Variants in SLC22A25 observed in about 807,000 individuals in gnomAD.
SLC22A25 encodes the protein MGI:2442751, MGI:2385316, MGI:3042283, MGI:3645714, MGI:3605624, MGI:2442750.
Under a neutral mutation model 45.9 loss-of-function variants are expected in SLC22A25, and 44 were observed. That is an observed-to-expected ratio of 0.96 (90% confidence interval 0.75 to 1.23). The LOEUF (loss-of-function observed/expected upper bound fraction) is 1.23. Among genes scored for constraint, SLC22A25 ranks in the 50% most tolerant of loss-of-function variants. The pLI is 0.00. For synonymous variants in SLC22A25, 283 were observed against 238.6 expected (o/e 1.19, Z -1.72); for missense variants, 800 against 666.4 (o/e 1.20, Z -2.21).
At chr11:63,189,163 T>G (rs1253126851) in intron 7 of SLC22A25, among the ~76,000 whole-genome samples, 1 of 152,214 alleles carries the variant, frequency 6.6e-6, no homozygotes, top group Non-Finnish European at 1.5e-5. Flanking sequence ...TCTCCCATTA[T>G]TATTGTGTGG....
intron 5 of SLC22A25, chr11:63,218,005 G>A (rs1358790147): frequency 1.7e-6 from 1 of 600,692 alleles, no homozygotes; most frequent in East Asian, 3.5e-5. Flanking sequence ...GACAGGCTGG[G>A]ATGTTGAAAT....
intron 5 of SLC22A25, among the ~76,000 whole-genome samples, chr11:63,224,063 C>G (rs1050708108): frequency 6.6e-6 from 1 of 152,050 alleles, no homozygotes; most frequent in South Asian, 2.1e-4. Flanking sequence ...GTGTTGAAAT[C>G]TCCAGCTATT....
chr11:63,237,549 C>T (rs908885597), intron 3 of SLC22A25, among the ~76,000 whole-genome samples: 2 of 152,098 alleles, frequency 1.3e-5, no homozygotes, highest in African/African-American at 4.8e-5. Flanking sequence ...AAACATGAAC[C>T]AAATAAACTT....
In SLC22A25 at chr11:63,180,772, A is replaced by C; in HGVS notation, c.958T>G (p.Leu320Val). Residue 320 changes from leucine (L) to valine (V), a missense_variant, in exon 9 of 12, where the codon TTG becomes GTG. Coordinates refer to ENST00000306494, the MANE Select transcript of SLC22A25 (RefSeq NM_199352.6). ...AGTTCTTGCTTCATGGTGGATTTCA[A>C]AACCTTCAACAACAACAGAAGCAAT... Reference protein sequence around the residue: ...NAEDILTMEVLKSTMKQELEA... With the variant: ...NAEDILTMEVVKSTMKQELEA... The C allele has an allele frequency of 6.2e-7, 1 of 1,611,460 alleles. No homozygotes were observed. The highest frequency in any genetic ancestry group is 8.5e-7 in the Non-Finnish European group (1 of 1,178,418).
At chr11:63,191,781 A>C (rs1267716379) in intron 7 of SLC22A25, among the ~76,000 whole-genome samples, 1 of 152,242 alleles carries the variant, frequency 6.6e-6, no homozygotes, top group Non-Finnish European at 1.5e-5. Flanking sequence ...TAAGACAGTC[A>C]GACAAGAATA....
chr11:63,197,993 A>G (rs1248330699), intron 7 of SLC22A25, among the ~76,000 whole-genome samples: 1 of 152,244 alleles, frequency 6.6e-6, no homozygotes, highest in Non-Finnish European at 1.5e-5. Flanking sequence ...ATCACTGGCC[A>G]TCAGAGAAAT....
At chr11:63,165,963 C>T in intron 10 of SLC22A25, 81 bp downstream of exon 10, 1 of 1,496,560 alleles carries the variant, frequency 6.7e-7, no homozygotes, top group Non-Finnish European at 9.1e-7. Flanking sequence ...TTCCTTCTGG[C>T]TTCAGATAGG....
chr11:63,180,811 G>T, intron 8 of SLC22A25, 36 bp from the exon 9 acceptor site: 2 of 1,487,082 alleles, frequency 1.3e-6, no homozygotes, highest in Non-Finnish European at 9.3e-7. Context: ...CTGTTCAGTT[G>T]TCACAAAATG....
At chr11:63,196,423 C>T (rs1349821560) in intron 7 of SLC22A25, among the ~76,000 whole-genome samples, 2 of 152,216 alleles carry the variant, frequency 1.3e-5, no homozygotes, top group Admixed American at 1.3e-4. Flanking sequence ...AAGTTGACTT[C>T]ATCCCTGGGA....
In SLC22A25 at chr11:63,229,439, G is replaced by T. The variant is rs1390667515; in HGVS notation, c.214C>A (p.Leu72Ile). The T allele has an allele frequency of 6.2e-7, 1 of 1,613,986 alleles. No individual in the cohort carries two copies. Among genetic ancestry groups the T allele is most frequent in the Non-Finnish European group, 8.5e-7 (1 of 1,179,974 alleles). The stretch of plus-strand genomic sequence containing the variant: ...TCGAATGGGATGGAGATTCTCAGGA[G>T]GGCATCCTGGCTGAGGGTCCCAGGG... ...NDPGTLSQDA[L>I]LRISIPFDSN... The change falls in exon 4 of 12, where the codon CTC becomes ATC. Residue 72 changes from leucine (L) to isoleucine (I), a missense_variant. By Grantham distance (5) the Leu-to-Ile change is conservative. Transcript: ENST00000306494.
At chr11:63,172,296 G>C (rs914571025) in intron 9 of SLC22A25, among the ~76,000 whole-genome samples, 1 of 152,056 alleles carries the variant, frequency 6.6e-6, no homozygotes, top group African/African-American at 2.4e-5. Flanking sequence ...TTGACAACTG[G>C]GATCTAATTA....
chr11:63,231,050 T>C lies in SLC22A25; in HGVS notation c.-444-954A>G, dbSNP rs553316425. Among the ~76,000 whole-genome samples, 92 of 152,340 alleles carry C rather than the reference T, an allele frequency of 6.0e-4. 2 individuals are homozygous for C. In the South Asian group the frequency reaches 0.018, roughly 30 times the overall value. On this transcript the variant is annotated intron_variant, in intron 3 of 11. Coordinates refer to ENST00000306494, the MANE Select transcript of SLC22A25 (RefSeq NM_199352.6). The stretch of plus-strand genomic sequence containing the variant: ...CACATTTTCTTAATCTAGTCTATCA[T>C]TGGTGGACATTTGGGTTGGTTCCAA...
chr11:63,236,729 C>T (rs1162001731), intron 3 of SLC22A25, among the ~76,000 whole-genome samples: 1 of 152,204 alleles, frequency 6.6e-6, no homozygotes, highest in Non-Finnish European at 1.5e-5. Context: ...ATGCAGAAAT[C>T]ACCCATCTTC....
chr11:63,188,635 GT>G (rs1440695164), intron 7 of SLC22A25, among the ~76,000 whole-genome samples: 1 of 152,136 alleles, frequency 6.6e-6, no homozygotes, highest in Non-Finnish European at 1.5e-5. Context: ...TAATTGCGGT[GT>G]TAGGGTGTCA....
At chr11:63,217,882 G>A in intron 5 of SLC22A25, 147 bp from the exon 6 acceptor site, 2 of 968,262 alleles carry the variant, frequency 2.1e-6, no homozygotes, top group Non-Finnish European at 3.0e-6. Context: ...GTTAATCAAT[G>A]GCAGGTCTTC....
At chr11:63,202,810 G>C (rs2089288283) in intron 7 of SLC22A25, among the ~76,000 whole-genome samples, 1 of 152,238 alleles carries the variant, frequency 6.6e-6, no homozygotes, top group African/African-American at 2.4e-5. Flanking sequence ...GCTCTGCTAA[G>C]GGACAGACTG....
chr11:63,200,249 A>C (rs921273589), intron 7 of SLC22A25, among the ~76,000 whole-genome samples: 4 of 150,886 alleles, frequency 2.7e-5, no homozygotes, highest in Admixed American at 1.3e-4. Context: ...CAGTGCAAAA[A>C]TCCTTAAAAA....
intron 3 of SLC22A25, among the ~76,000 whole-genome samples, chr11:63,235,775 T>A (rs563167354): frequency 6.6e-6 from 1 of 152,222 alleles, no homozygotes; most frequent in African/African-American, 2.4e-5. Context: ...TTTGTGGTTT[T>A]ATCTACTTTT....
At chr11:63,209,308 C>T (rs1346244028) in intron 7 of SLC22A25, among the ~76,000 whole-genome samples, 1 of 152,128 alleles carries the variant, frequency 6.6e-6, no homozygotes, top group Non-Finnish European at 1.5e-5. Context: ...GAACCTAAAG[C>T]CCCTAGCATC....
Sources: gnomAD v4.1 joint callset for allele counts (sites outside exome capture counted in the v4.1 genomes callset) on GRCh38, gnomAD v4.1.1 for gene constraint, MANE v1.5 for transcripts, NCBI Gene and HGNC (gene_info 2026-07-23, HGNC 2026-07-21) for gene names.